The following PIEZO2 variants were observed in gnomAD, a reference collection of about 807,000 sequenced individuals.
PIEZO2 encodes the protein piezo-type mechanosensitive ion channel component 2.
PIEZO2 carries 172 observed loss-of-function variants against 337.3 expected under a neutral mutation model. The observed-to-expected ratio is 0.51, with a 90% CI of 0.45 to 0.58. The LOEUF (loss-of-function observed/expected upper bound fraction) is 0.58. Ranked by LOEUF, PIEZO2 falls within the 20% of genes least tolerant of loss-of-function variation. The probability of loss-of-function intolerance (pLI) is 0.00; values close to 1 mark genes in which losing one functional copy is unlikely to be tolerated. For missense variants in PIEZO2, 3,028 were observed against 3,391.3 expected (o/e 0.89, Z 2.66); for synonymous variants, 1,251 against 1,228.5 (o/e 1.02, Z -0.38).
intron 22 of PIEZO2, 80 bp from the exon 23 acceptor site, chr18:10,762,705 A>G: frequency 6.8e-7 from 1 of 1,473,328 alleles, no homozygotes; most frequent in Admixed American, 2.2e-5. Context: ...TTCAGCCTTG[A>G]GCAAAATGAT....
chr18:10,673,914 A>T lies in PIEZO2; in HGVS notation c.8162-1041T>A, dbSNP rs556474898. Among the ~76,000 whole-genome samples, 58 of 152,350 alleles carry T rather than the reference A, an allele frequency of 3.8e-4. No homozygotes were observed. The highest frequency in any genetic ancestry group is 1.0e-3 in the African/African-American group (43 of 41,582). On this transcript the variant is annotated intron_variant, in intron 54 of 55. Coordinates refer to ENST00000674853, the MANE Select transcript of PIEZO2 (RefSeq NM_001378183.1). The surrounding 1 kb of genome is among the most constrained non-coding windows in gnomAD (Gnocchi z 4.8). ...CAAGGATAGCTTATGAGCTAAAAAG[A>T]TCATACCAAAATTTCATAATGTTTT...
intron 36 of PIEZO2, 61 bp downstream of exon 36, chr18:10,731,346 G>T: frequency 8.5e-7 from 1 of 1,171,058 alleles, no homozygotes; most frequent in Non-Finnish European, 1.2e-6. Flanking sequence ...TTGCAGACAA[G>T]GCTGGGGAGC....
chr18:10,835,592 G>A (rs2040984541), intron 7 of PIEZO2, among the ~76,000 whole-genome samples: 1 of 150,070 alleles, frequency 6.7e-6, no homozygotes, highest in African/African-American at 2.5e-5. Flanking sequence ...CACCCAGGCT[G>A]GAGTGCAGTG....
intron 7 of PIEZO2, among the ~76,000 whole-genome samples, chr18:10,851,144 T>G (rs542878763): frequency 4.1e-4 from 59 of 143,954 alleles, no homozygotes; most frequent in East Asian, 3.2e-3. Context: ...TCTTTTCTTT[T>G]TTTCTTTTAT....
At chr18:10,864,970 C>T (rs751073050) in intron 5 of PIEZO2, among the ~76,000 whole-genome samples, 28 of 151,970 alleles carry the variant, frequency 1.8e-4, no homozygotes, top group South Asian at 2.1e-4. Context: ...AGACAAGAGT[C>T]GGGAGAAGAG....
At position 10,672,782 on chromosome 18, in the gene PIEZO2, G is replaced by C. The variant is rs1346102951; in HGVS notation, c.8253C>G (p.Asn2751Lys). The C allele has an allele frequency of 1.1e-5, 17 of 1,613,882 alleles. No homozygotes were observed. The highest frequency in any genetic ancestry group is 1.4e-5 in the Non-Finnish European group (16 of 1,179,934). ...SEWWVLNLTGNRIYNPNSQAL... is the reference protein window; with the variant it reads ...SEWWVLNLTGKRIYNPNSQAL... ...CCTGAGAGTTCGGATTGTATATTCT[G>C]TTTCCAGTCAGGTTGAGAACCCACC... Residue 2751 changes from asparagine (N) to lysine (K), a missense_variant, in exon 55 of 56, where the codon AAC (asparagine) becomes AAG (lysine). Around this residue, in one of 5 missense-constraint regions of PIEZO2, gnomAD observed 332 missense variants for 363.8 expected, o/e 0.91. Transcript: ENST00000674853. This position sits in a 1 kb window ranked among gnomAD's most constrained non-coding sequence, Gnocchi z 4.7.
In PIEZO2 at chr18:10,861,767, C is replaced by G. The variant is rs2041879411; in HGVS notation, c.493-4556G>C. Among the ~76,000 whole-genome samples the G allele has an allele frequency of 6.6e-6, 1 of 152,228 alleles. No homozygotes were observed. The highest frequency in any genetic ancestry group is 6.5e-5 in the Admixed American group (1 of 15,286). ...GCACAGTGGTTCATGCCTATAATCCCAGCACCTTGGGAAGCTGAGGCAGGT... is the reference window on the plus strand; with the variant it reads ...GCACAGTGGTTCATGCCTATAATCCGAGCACCTTGGGAAGCTGAGGCAGGT... On this transcript the variant is annotated intron_variant, in intron 5 of 55. Transcript: ENST00000674853. This position sits in a 1 kb window ranked among gnomAD's most constrained non-coding sequence, Gnocchi z 4.3.
chr18:10,807,345 C>G lies in PIEZO2; in HGVS notation c.918-71G>C, dbSNP rs575453022. ...ATGTCTCCAACATTGAATAAAAGTACTTTGTTTTTGATACATTCGTGAGCT... is the reference window on the plus strand; with the variant it reads ...ATGTCTCCAACATTGAATAAAAGTAGTTTGTTTTTGATACATTCGTGAGCT... On this transcript the variant is annotated intron_variant, in intron 7 of 55. Coordinates refer to ENST00000674853, the MANE Select transcript of PIEZO2 (RefSeq NM_001378183.1). 27 of 1,406,606 alleles carry G rather than the reference C, an allele frequency of 1.9e-5. No homozygotes were observed. The East Asian group carries it at 6.3e-4, about 33-fold the overall frequency. The allele number at this position is 1,406,606 out of a possible 1,614,324, so 87.1% of individuals were successfully genotyped here.
Position 10,856,059 on chromosome 18 carries a change from G to A in PIEZO2, c.704-493C>T, listed in dbSNP as rs1277682768. ...TGCTTATTTTATTTTATTTTGTTTT[G>A]TTTTATTTTATTTTATTTTTTGTAG... On this transcript the variant is annotated intron_variant, in intron 6 of 55. Coordinates refer to ENST00000674853, the MANE Select transcript of PIEZO2 (RefSeq NM_001378183.1). This position sits in a 1 kb window ranked among gnomAD's most constrained non-coding sequence, Gnocchi z 4.7. Among the ~76,000 whole-genome samples the A allele has an allele frequency of 1.3e-5, 2 of 150,622 alleles. No homozygotes were observed. The highest frequency in any genetic ancestry group is 4.9e-5 in the African/African-American group (2 of 40,802).
In PIEZO2 at chr18:10,819,545, T is replaced by C. The variant is rs1002373775; in HGVS notation, c.918-12271A>G. ...CTGACTGCTCTATCAATGTCGAACA[T>C]GTCACTTAACAAAAAATCCAAAGAT... is the stretch of plus-strand genomic sequence containing the variant. On this transcript the variant is annotated intron_variant, in intron 7 of 55. Coordinates refer to ENST00000674853, the MANE Select transcript of PIEZO2 (RefSeq NM_001378183.1). The surrounding 1 kb of genome is among the most constrained non-coding windows in gnomAD (Gnocchi z 4.3). Among the ~76,000 whole-genome samples the C allele has an allele frequency of 2.6e-5, 4 of 152,210 alleles. No homozygotes were observed. Among genetic ancestry groups the C allele is most frequent in the African/African-American group, 7.2e-5 (3 of 41,454 alleles).
In PIEZO2 at chr18:10,929,165, A is replaced by G. The variant is rs1267195541; in HGVS notation, c.287-17937T>C. 2.0e-5 allele frequency among the ~76,000 whole-genome samples: 3 copies of G among 152,184 alleles called. No homozygotes were observed. Among genetic ancestry groups the G allele is most frequent in the Non-Finnish European group, 4.4e-5 (3 of 68,034 alleles). On this transcript the variant is annotated intron_variant, in intron 3 of 55. Coordinates refer to ENST00000674853, the MANE Select transcript of PIEZO2 (RefSeq NM_001378183.1). The surrounding 1 kb of genome is among the most constrained non-coding windows in gnomAD (Gnocchi z 5.6). ...AGCATTAACCACAGCTGCAATATGAATTAGAGCCATAGAAAACACTCTTGT... is the reference window on the plus strand; with the variant it reads ...AGCATTAACCACAGCTGCAATATGAGTTAGAGCCATAGAAAACACTCTTGT...
At chr18:11,057,086 G>T (rs531084336) in intron 2 of PIEZO2, among the ~76,000 whole-genome samples, 41 of 151,868 alleles carry the variant, frequency 2.7e-4, no homozygotes, top group Non-Finnish European at 4.9e-4. Flanking sequence ...CAGTGAAGAG[G>T]CCCAGGCAAG....
intron 44 of PIEZO2, 44 bp downstream of exon 44, chr18:10,698,881 C>G (rs767992648): frequency 7.3e-5 from 112 of 1,531,606 alleles, no homozygotes; most frequent in Non-Finnish European, 9.4e-5. Context: ...AACAAGGCCA[C>G]CTGGGAGCTA....
intron 7 of PIEZO2, 56 bp from the exon 8 acceptor site, chr18:10,807,330 C>T: frequency 5.5e-6 from 8 of 1,457,826 alleles, no homozygotes; most frequent in Non-Finnish European, 7.4e-6. Flanking sequence ...ATGTCTCCAA[C>T]ATTGAATAAA....
intron 1 of PIEZO2, among the ~76,000 whole-genome samples, chr18:11,084,606 A>G (rs1399878426): frequency 1.3e-5 from 2 of 151,822 alleles, no homozygotes; most frequent in East Asian, 3.9e-4. Context: ...GTGGATCCCT[A>G]TGTGATTTGA....
rs373417174 is a variant in PIEZO2 at position 10,993,589 on chromosome 18, C to A, written c.161-13929G>T. On this transcript the variant is annotated intron_variant, in intron 2 of 55. Coordinates refer to ENST00000674853, the MANE Select transcript of PIEZO2 (RefSeq NM_001378183.1). This position sits in a 1 kb window ranked among gnomAD's most constrained non-coding sequence, Gnocchi z 5.0. The stretch of plus-strand genomic sequence containing the variant: ...TGGCCCAGGCTGGAGTACAGTGGCA[C>A]GATCTCGCCTCACTGCAACCTCCGC... Among the ~76,000 whole-genome samples, 75 of 152,174 alleles carry A rather than the reference C, an allele frequency of 4.9e-4. No homozygotes were observed. The highest frequency in any genetic ancestry group is 1.4e-3 in the African/African-American group (58 of 41,532).
intron 1 of PIEZO2, among the ~76,000 whole-genome samples, chr18:11,123,952 T>C (rs1304814024): frequency 6.6e-6 from 1 of 152,176 alleles, no homozygotes; most frequent in Middle Eastern, 3.2e-3. Context: ...AAAGGAAAAG[T>C]ATGTGAGATA....
At chr18:10,927,801 C>G (rs1164091119) in intron 3 of PIEZO2, among the ~76,000 whole-genome samples, 1 of 152,062 alleles carries the variant, frequency 6.6e-6, no homozygotes, top group African/African-American at 2.4e-5. Flanking sequence ...CTAGTGCTGT[C>G]TACAACTCGT....
chr18:10,696,698 C>T (rs1385960775), intron 45 of PIEZO2, among the ~76,000 whole-genome samples, 159 bp from the exon 46 acceptor site: 1 of 152,244 alleles, frequency 6.6e-6, no homozygotes, highest in African/African-American at 2.4e-5. Flanking sequence ...CTGTGGACAG[C>T]TCCTGTTCTA....
Sources: gnomAD v4.1 joint callset for allele counts (sites outside exome capture counted in the v4.1 genomes callset) on GRCh38, gnomAD v4.1.1 for gene constraint, gnomAD v4.1.1 regional missense constraint, Gnocchi (gnomAD v3.1) non-coding constraint, MANE v1.5 for transcripts, NCBI Gene and HGNC (gene_info 2026-07-23, HGNC 2026-07-21) for gene names.